The following ASTN2 variants were observed in gnomAD, a reference collection of about 807,000 sequenced individuals.
The protein encoded by ASTN2 is astrotactin 2.
In ASTN2, 54 loss-of-function variants were observed where a neutral mutation model predicts 139.8. The observed-to-expected ratio is 0.39, with a 90% CI of 0.31 to 0.48. The LOEUF (loss-of-function observed/expected upper bound fraction) is 0.48, where lower values mean the gene tolerates loss of function less well. Ranked by LOEUF, ASTN2 falls within the 20% of genes least tolerant of loss-of-function variation. The pLI, the probability that ASTN2 is intolerant of heterozygous loss-of-function variation, is 0.95. For synonymous variants in ASTN2, 756 were observed against 719.5 expected (o/e 1.05, Z -0.81); for missense variants, 1,565 against 1,725.1 (o/e 0.91, Z 1.64).
chr9:116,593,624 A>C (rs759258479), intron 19 of ASTN2, among the ~76,000 whole-genome samples: 14 of 152,186 alleles, frequency 9.2e-5, no homozygotes, highest in Non-Finnish European at 2.1e-4. Flanking sequence ...AGTGTATTCT[A>C]ATCACAACTT....
At chr9:117,123,726 G>A (rs1275144823) in intron 4 of ASTN2, among the ~76,000 whole-genome samples, 1 of 152,080 alleles carries the variant, frequency 6.6e-6, no homozygotes, top group Non-Finnish European at 1.5e-5. Context: ...AAAGCAAAGA[G>A]ACTGTAATTG....
chr9:116,702,928 C>A (rs1401714164), intron 16 of ASTN2, among the ~76,000 whole-genome samples: 1 of 152,144 alleles, frequency 6.6e-6, no homozygotes, highest in African/African-American at 2.4e-5. Context: ...TTACAGTGTT[C>A]CTCTGGGTAA....
At chr9:116,474,593 G>A (rs896198358) in intron 20 of ASTN2, among the ~76,000 whole-genome samples, 16 of 152,184 alleles carry the variant, frequency 1.1e-4, no homozygotes, top group African/African-American at 3.9e-4. Flanking sequence ...ATGGAGATGG[G>A]CATAGGGGGA....
chr9:116,663,869 G>A (rs1458158547), intron 16 of ASTN2, among the ~76,000 whole-genome samples: 1 of 152,122 alleles, frequency 6.6e-6, no homozygotes, highest in Non-Finnish European at 1.5e-5. Flanking sequence ...CTCATGGAGG[G>A]AAAATCAGGG....
At chr9:117,021,573 G>T (rs1855465) in intron 6 of ASTN2, among the ~76,000 whole-genome samples, 109,924 of 152,146 alleles carry the variant, frequency 0.72, 40,023 homozygotes, top group Middle Eastern at 0.82. Context: ...ATTTAGATGA[G>T]GAAGTCTTTC....
chr9:116,939,260 T>C (rs912155751), intron 10 of ASTN2, among the ~76,000 whole-genome samples: 2 of 152,154 alleles, frequency 1.3e-5, no homozygotes, highest in African/African-American at 4.8e-5. Flanking sequence ...TTAGTAGTAG[T>C]AGTAGCTATA....
intron 16 of ASTN2, among the ~76,000 whole-genome samples, chr9:116,663,056 ACTC>A (rs1275996972): frequency 6.6e-6 from 1 of 152,022 alleles, no homozygotes; most frequent in Non-Finnish European, 1.5e-5. Context: ...TTTAAAACTT[ACTC>A]CTCAAGAACG....
intron 2 of ASTN2, among the ~76,000 whole-genome samples, chr9:117,235,931 T>A (rs1352395258): frequency 2.6e-5 from 4 of 152,176 alleles, no homozygotes; most frequent in Non-Finnish European, 5.9e-5. Context: ...ATGAGGAAAG[T>A]GAATCTCAGA....
At chr9:116,730,129 C>T (rs1216855168) in intron 14 of ASTN2, among the ~76,000 whole-genome samples, 1 of 152,144 alleles carries the variant, frequency 6.6e-6, no homozygotes, top group East Asian at 1.9e-4. Context: ...TAAAAAGATG[C>T]TAGTCACATC....
intron 2 of ASTN2, among the ~76,000 whole-genome samples, chr9:117,258,929 A>T (rs975350730): frequency 1.3e-5 from 2 of 152,200 alleles, no homozygotes; most frequent in African/African-American, 4.8e-5. Context: ...CCTAGAGTAG[A>T]TATACAAAGG....
At chr9:116,771,495 C>G (rs116838778) in intron 13 of ASTN2, among the ~76,000 whole-genome samples, 3,748 of 152,172 alleles carry the variant, frequency 0.025, 126 homozygotes, top group East Asian at 0.079. Flanking sequence ...CCCATAAGTA[C>G]CAAGAGGGTA....
chr9:117,386,740 C>A (rs2416596), intron 1 of ASTN2, among the ~76,000 whole-genome samples: 57,244 of 151,822 alleles, frequency 0.38, 11,401 homozygotes, highest in Non-Finnish European at 0.45. Context: ...AGCTCCTCAG[C>A]CCCTTGGGTG....
chr9:117,265,464 C>G (rs2133115574), intron 2 of ASTN2, among the ~76,000 whole-genome samples: 1 of 152,230 alleles, frequency 6.6e-6, no homozygotes, highest in Non-Finnish European at 1.5e-5. Flanking sequence ...ACCGAGCTGC[C>G]AAAGAACCTC....
chr9:117,028,779 C>T (rs957828857), intron 6 of ASTN2, among the ~76,000 whole-genome samples: 5 of 152,162 alleles, frequency 3.3e-5, no homozygotes, highest in African/African-American at 1.2e-4. Flanking sequence ...AGACAGAGTA[C>T]CTGGGACACT....
intron 5 of ASTN2, among the ~76,000 whole-genome samples, chr9:117,055,089 C>A (rs1839019725): frequency 6.6e-6 from 1 of 152,224 alleles, no homozygotes; most frequent in South Asian, 2.1e-4. Context: ...AGGTTCCTAA[C>A]AGGCTGCTGA....
At chr9:116,614,973 A>T (rs1855764044) in intron 19 of ASTN2, among the ~76,000 whole-genome samples, 1 of 152,240 alleles carries the variant, frequency 6.6e-6, no homozygotes, top group Non-Finnish European at 1.5e-5. Context: ...CAATCTACTC[A>T]TGTGACAATA....
chr9:117,287,100 T>TG (rs931555585), intron 2 of ASTN2, among the ~76,000 whole-genome samples: 3 of 152,140 alleles, frequency 2.0e-5, no homozygotes, highest in Non-Finnish European at 4.4e-5. Flanking sequence ...ATAATAGAGG[T>TG]GCTGCACTTA....
At chr9:116,802,751 A>G (rs987717990) in intron 13 of ASTN2, among the ~76,000 whole-genome samples, 2 of 152,256 alleles carry the variant, frequency 1.3e-5, no homozygotes, top group African/African-American at 2.4e-5. Flanking sequence ...AAGATGAAGC[A>G]GTAGAATTAT....
chr9:116,594,072 A>T (rs1251056185), intron 19 of ASTN2, among the ~76,000 whole-genome samples: 1 of 152,260 alleles, frequency 6.6e-6, no homozygotes, highest in Non-Finnish European at 1.5e-5. Context: ...CTCTCAGCTC[A>T]TATGAGCAAG....
Sources: allele counts gnomAD v4.1 joint callset (sites outside exome capture counted in the v4.1 genomes callset), GRCh38; gene constraint gnomAD v4.1.1; transcripts MANE v1.5; gene names NCBI Gene and HGNC (gene_info 2026-07-23, HGNC 2026-07-21).